Variants in RRP1 observed in about 807,000 individuals in gnomAD.
RRP1 encodes the protein ribosomal RNA processing 1.
Under a neutral mutation model 54.6 loss-of-function variants are expected in RRP1, and 37 were observed. The ratio of observed to expected loss-of-function variants is 0.68; its 90% CI spans 0.52 to 0.89. The LOEUF (loss-of-function observed/expected upper bound fraction) is 0.89, where lower values mean the gene tolerates loss of function less well. Among genes scored for constraint, RRP1 ranks in the 40% least tolerant of loss-of-function variants. The pLI is 0.00. For synonymous variants in RRP1, 262 were observed against 244.3 expected (o/e 1.07, Z -0.67); for missense variants, 639 against 612.5 (o/e 1.04, Z -0.46).
rs1569015365 is a variant in RRP1 at position 43,797,538 on chromosome 21, T to C, written c.539T>C (p.Val180Ala). ...ATCTTCCTGGAGGAGCTGACCAAAG[T>C]GGGCGCCGAGGAGGTGAGGCTGGGC... ...IEIFLEELTK[V>A]GAEELTADQN... The change falls in exon 6 of 13, where the codon GTG (valine) becomes GCG (alanine). Residue 180 changes from valine (V) to alanine (A), a missense_variant. By Grantham distance (64) the Val-to-Ala change is moderately conservative. Transcript: ENST00000497547. The C allele has an allele frequency of 1.2e-6, 2 of 1,613,866 alleles. No homozygotes were observed. Among genetic ancestry groups the C allele is most frequent in the Admixed American group, 1.7e-5 (1 of 60,008 alleles).
chr21:43,799,601 TGAG>T lies in RRP1; in HGVS notation c.847_849del (p.Glu283del), dbSNP rs762176289. ...TCTGCAGGGCTGAACCTGAGGCTGG[TGAG>T]GAGCAGGCAGGTGACGACAGGGACA... On this transcript the variant is annotated inframe_deletion, in exon 9 of 13. Coordinates refer to ENST00000497547, the MANE Select transcript of RRP1 (RefSeq NM_003683.6). 1 of 1,612,090 alleles carries T rather than the reference TGAG, an allele frequency of 6.2e-7. No individual in the cohort carries two copies. Among genetic ancestry groups the T allele is most frequent in the East Asian group, 2.2e-5 (1 of 44,854 alleles).
rs2838378 is a variant in RRP1 at position 43,797,678 on chromosome 21, T to G, written c.600T>G (p.Ile200Met). The change falls in exon 7 of 13, where the codon ATT (isoleucine) becomes ATG (methionine). Residue 200 changes from isoleucine (I) to methionine (M), a missense_variant. Coordinates refer to ENST00000497547, the MANE Select transcript of RRP1 (RefSeq NM_003683.6). ...AGTTCATCGACCCCTTCTGCAGAATTGCTGCCCGGACCAAGGAGTAAGTGG... is the reference window on the plus strand; with the variant it reads ...AGTTCATCGACCCCTTCTGCAGAATGGCTGCCCGGACCAAGGAGTAAGTGG... ...NLKFIDPFCR[I>M]AARTKDSLVL... 6.2e-7 allele frequency: 1 copy of G among 1,613,714 alleles called. No individual in the cohort carries two copies. The highest frequency in any genetic ancestry group is 1.1e-5 in the South Asian group (1 of 91,080).
intron 2 of RRP1, among the ~76,000 whole-genome samples, chr21:43,791,793 C>T (rs527273094): frequency 8.5e-5 from 13 of 152,238 alleles, no homozygotes; most frequent in South Asian, 2.1e-4. Context: ...CATGAGCCAC[C>T]GCGCCCGGCC....
chr21:43,797,729 C>G, intron 7 of RRP1, 34 bp downstream of exon 7: 1 of 1,610,022 alleles, frequency 6.2e-7, no homozygotes, highest in Non-Finnish European at 8.5e-7. Flanking sequence ...GGCCCGACTC[C>G]TTCACTGAGT....
chr21:43,797,239 G>A (rs1244125721), intron 5 of RRP1, 183 bp from the exon 6 acceptor site: 7 of 957,806 alleles, frequency 7.3e-6, no homozygotes, highest in Non-Finnish European at 1.0e-5. Context: ...ACTGCCTTGC[G>A]CTGGAGGAGA....
chr21:43,793,788 GC>G (rs2084985708), intron 4 of RRP1, among the ~76,000 whole-genome samples: 1 of 152,232 alleles, frequency 6.6e-6, no homozygotes, highest in Non-Finnish European at 1.5e-5. Context: ...GGAGTGCTTA[GC>G]CTGCGAGGCT....
Position 43,800,624 on chromosome 21 carries a change from TGA to T in RRP1, c.989+12_989+13del, listed in dbSNP as rs1302499731. 4 of 1,612,358 alleles carry T rather than the reference TGA, an allele frequency of 2.5e-6. No homozygotes were observed. Among genetic ancestry groups the T allele is most frequent in the Non-Finnish European group, 3.4e-6 (4 of 1,178,400 alleles). The stretch of plus-strand genomic sequence containing the variant: ...ACAAAGTGATCCGGAAGTGAGTGTG[TGA>T]GGGCGCTGCGTCCTCCCTGCTCCCC... On this transcript the variant is annotated intron_variant, in intron 10 of 12. Coordinates refer to ENST00000497547, the MANE Select transcript of RRP1 (RefSeq NM_003683.6).
At chr21:43,800,728 C>T in intron 10 of RRP1, 114 bp downstream of exon 10, 2 of 1,490,374 alleles carry the variant, frequency 1.3e-6, no homozygotes, top group Admixed American at 1.8e-5. Context: ...CGGGGTGATC[C>T]CCGCTAGGAC....
chr21:43,797,766 G>A, intron 7 of RRP1, 71 bp downstream of exon 7: 3 of 1,588,966 alleles, frequency 1.9e-6, no homozygotes, highest in South Asian at 1.1e-5. Context: ...TGTTGTGGGG[G>A]TGCTGCTCCC....
chr21:43,801,577 G>A (rs998802131), intron 11 of RRP1, among the ~76,000 whole-genome samples: 15 of 152,214 alleles, frequency 9.9e-5, no homozygotes, highest in African/African-American at 2.9e-4. Flanking sequence ...GGTCTCAAGC[G>A]ATCCTCCCGC....
chr21:43,800,527 A>T lies in RRP1; in HGVS notation c.902A>T (p.Glu301Val), dbSNP rs1454278025. 2 of 1,614,210 alleles carry T rather than the reference A, an allele frequency of 1.2e-6. No individual in the cohort carries two copies. The highest frequency in any genetic ancestry group is 8.5e-7 in the Non-Finnish European group (1 of 1,180,018). Reference protein sequence around the residue: ...SGGPVLQFDYEAVANRLFEMA... With the variant: ...SGGPVLQFDYVAVANRLFEMA... Reference sequence around the variant, plus strand: ...TCTCTTTTGAAACAGTTTGACTACGAGGCAGTTGCTAACAGACTGTTTGAA... The same window carrying T: ...TCTCTTTTGAAACAGTTTGACTACGTGGCAGTTGCTAACAGACTGTTTGAA... Residue 301 changes from glutamate to valine, a missense_variant, in exon 10 of 13, where the codon GAG becomes GTG. Transcript: ENST00000497547.
At position 43,790,330 on chromosome 21, in the gene RRP1, G is replaced by A. The variant is rs146475197; in HGVS notation, c.133+568G>A. 2.9e-4 allele frequency among the ~76,000 whole-genome samples: 44 copies of A among 152,318 alleles called. No individual in the cohort carries two copies. In the East Asian group the frequency reaches 7.5e-3, roughly 26 times the overall value. On this transcript the variant is annotated intron_variant, in intron 1 of 12. Transcript: ENST00000497547. ...TGTAATCCCAGCTACTTGGCACGTC[G>A]ATGTGGGAGGATCACAAAGGCCCAG...
rs1342688869 is a variant in RRP1, at chr21:43,803,585, C to A, written c.1197C>A (p.Asp399Glu). ...GCAGGAGGAGGGGTGTAGGGGCCGA[C>A]CCCGAGGCGCGGGCAGAGGCTGGTG... is the stretch of plus-strand genomic sequence containing the variant. Reference protein sequence around the residue: ...KRSRRRGVGADPEARAEAGEQ... With the variant: ...KRSRRRGVGAEPEARAEAGEQ... Residue 399 changes from aspartate (D) to glutamate (E), a missense_variant, in exon 13 of 13, where the codon GAC becomes GAA. Coordinates refer to ENST00000497547, the MANE Select transcript of RRP1 (RefSeq NM_003683.6). The A allele has an allele frequency of 6.4e-7, 1 of 1,552,698 alleles. No individual in the cohort carries two copies. Among genetic ancestry groups the A allele is most frequent in the South Asian group, 1.2e-5 (1 of 84,216 alleles).
In RRP1 at chr21:43,803,996, G is replaced by T. The variant is rs2085119740; in HGVS notation, c.*222G>T. The T allele has an allele frequency of 1.8e-6, 1 of 541,520 alleles. No individual in the cohort carries two copies. The highest frequency in any genetic ancestry group is 3.1e-6 in the Non-Finnish European group (1 of 320,484). 33.5% of individuals were successfully genotyped at this position (541,520 alleles called of 1,614,324 possible). ...CTCCGCCTGTGGCTGTGATGACCTTGGGCCAGAAGGTCAAACTCCGAAGAC... is the reference window on the plus strand; with the variant it reads ...CTCCGCCTGTGGCTGTGATGACCTTTGGCCAGAAGGTCAAACTCCGAAGAC... On this transcript the variant is annotated 3_prime_UTR_variant, in exon 13 of 13. Coordinates refer to ENST00000497547, the MANE Select transcript of RRP1 (RefSeq NM_003683.6).
intron 8 of RRP1, 101 bp downstream of exon 8, chr21:43,798,201 C>CA: frequency 1.0e-6 from 1 of 985,850 alleles, no homozygotes; most frequent in Non-Finnish European, 1.5e-6. Context: ...ACCTGGTCCC[C>CA]TTGTCTCTGC....
At chr21:43,798,551 TC>T (rs756560178) in intron 8 of RRP1, among the ~76,000 whole-genome samples, 15 of 152,126 alleles carry the variant, frequency 9.9e-5, no homozygotes, top group Non-Finnish European at 1.9e-4. Flanking sequence ...TGTTCCTCGT[TC>T]CTGGCCCGTC....
At chr21:43,800,651 C>T (rs765903468) in intron 10 of RRP1, 37 bp downstream of exon 10, 3 of 1,597,498 alleles carry the variant, frequency 1.9e-6, no homozygotes, top group Non-Finnish European at 2.6e-6. Flanking sequence ...CCCTGCTCCC[C>T]TTGGAGTTGC....
In RRP1 at chr21:43,789,675, C is replaced by A. The variant is rs1195629456; in HGVS notation, c.46C>A (p.Arg16Ser). The A allele has an allele frequency of 6.4e-7, 1 of 1,574,242 alleles. No homozygotes were observed. Among genetic ancestry groups the A allele is most frequent in the South Asian group, 1.2e-5 (1 of 86,230 alleles). The change falls in exon 1 of 13, where the codon CGC (arginine) becomes AGC (serine). Residue 16 changes from arginine (R) to serine (S), a missense_variant. Arg to Ser is a moderately radical substitution (Grantham distance 110, BLOSUM62 -1). Coordinates refer to ENST00000497547, the MANE Select transcript of RRP1 (RefSeq NM_003683.6). ...CCCGCCTGAGATCCAGCTGGCTCAG[C>A]GCCTGGCGGGGAATGAGCAGGTGAC... ...QLPPEIQLAQ[R>S]LAGNEQVTRD...
intron 11 of RRP1, among the ~76,000 whole-genome samples, chr21:43,801,505 C>T (rs897226668): frequency 1.3e-5 from 2 of 152,132 alleles, no homozygotes; most frequent in Non-Finnish European, 2.9e-5. Context: ...GGCGGTGTCT[C>T]GCTCTGTTGC....
Sources: gnomAD v4.1 joint callset for allele counts (sites outside exome capture counted in the v4.1 genomes callset) on GRCh38, gnomAD v4.1.1 for gene constraint, MANE v1.5 for transcripts, NCBI Gene and HGNC (gene_info 2026-07-23, HGNC 2026-07-21) for gene names.